The following SF1 variants were observed in gnomAD, a reference collection of about 807,000 sequenced individuals.
The protein encoded by SF1 is branch point-binding protein.
SF1 carries 7 observed loss-of-function variants against 62.5 expected under a neutral mutation model. That is an observed-to-expected ratio of 0.11 (90% CI 0.06 to 0.21). The LOEUF (loss-of-function observed/expected upper bound fraction) is 0.21, where lower values mean the gene tolerates loss of function less well. SF1 is among the 10% of genes least tolerant of loss of function. The pLI, the probability that SF1 is intolerant of heterozygous loss-of-function variation, is 1.00. For missense variants in SF1, 578 were observed against 884.0 expected (o/e 0.65, Z 4.39); for synonymous variants, 394 against 323.6 (o/e 1.22, Z -2.33).
At chr11:64,778,074 G>C (rs1939665066) in intron 1 of SF1, 1 of 985,792 alleles carries the variant, frequency 1.0e-6, no homozygotes, top group African/African-American at 1.8e-5. Context: ...CGCTGGTAGA[G>C]CGGCGGCGGA....
At chr11:64,766,679 G>A in intron 12 of SF1, 1 of 453,836 alleles carries the variant, frequency 2.2e-6, no homozygotes, top group East Asian at 3.4e-5. Flanking sequence ...TCCCCTCCAG[G>A]CCCCCACGAA....
intron 12 of SF1, 41 bp downstream of exon 12, chr11:64,766,859 C>CCCA: frequency 9.9e-6 from 6 of 604,382 alleles, no homozygotes; most frequent in East Asian, 5.9e-5. Flanking sequence ...AGCCCCACCC[C>CCCA]CATCCCACCC....
chr11:64,765,281 A>G lies in SF1; in HGVS notation c.*537T>C. On this transcript the variant is annotated 3_prime_UTR_variant, in exon 13 of 13. Transcript: ENST00000377390. ...CCGGGGAGAGCATCTCCTTGGACGG[A>G]GTCTGAAGAAAGGAAAAGATAAAGA... 3 of 598,902 alleles carry G rather than the reference A, an allele frequency of 5.0e-6. No individual in the cohort carries two copies. Among genetic ancestry groups the G allele is most frequent in the Non-Finnish European group, 9.1e-6 (3 of 330,256 alleles). The allele number at this position is 598,902 out of a possible 1,614,324, so 37.1% of individuals were successfully genotyped here.
intron 3 of SF1, chr11:64,771,835 A>G (rs899752542): frequency 1.0e-6 from 1 of 985,310 alleles, no homozygotes; most frequent in Non-Finnish European, 1.2e-6. Flanking sequence ...ATCTTAATTA[A>G]GAAAACCCAT....
intron 8 of SF1, 36 bp from the exon 9 acceptor site, chr11:64,768,322 G>A (rs755440589): frequency 6.9e-6 from 11 of 1,591,354 alleles, no homozygotes; most frequent in Non-Finnish European, 7.7e-6. Flanking sequence ...AGAGAAAGGG[G>A]AAAAACTTGT....
chr11:64,777,546 C>T, intron 1 of SF1: 1 of 985,498 alleles, frequency 1.0e-6, no homozygotes, highest in Non-Finnish European at 1.2e-6. Context: ...GAGGAGCTAT[C>T]CTTGGTACGG....
At chr11:64,772,323 TAA>T (rs879863787) in intron 3 of SF1, 85 of 796,878 alleles carry the variant, frequency 1.1e-4, no homozygotes, top group East Asian at 1.3e-4. Context: ...AATGTAAATT[TAA>T]AAAAAAAAAA....
At chr11:64,766,338 C>T (rs1043185669) in intron 12 of SF1, 183 bp from the exon 13 acceptor site, 5 of 591,590 alleles carry the variant, frequency 8.5e-6, no homozygotes, top group Admixed American at 3.0e-5. Context: ...ACCCTGGGGT[C>T]AGCCTCGAGG....
At chr11:64,777,902 C>A in intron 1 of SF1, 1 of 948,394 alleles carries the variant, frequency 1.1e-6, no homozygotes, top group East Asian at 1.2e-4. Context: ...CTGCCGCGTG[C>A]AGCCGCCGTC....
At chr11:64,773,587 A>C in intron 2 of SF1, 82 bp from the exon 3 acceptor site, 1 of 1,463,664 alleles carries the variant, frequency 6.8e-7, no homozygotes, top group Non-Finnish European at 9.2e-7. Context: ...TCTCAACAAC[A>C]AGCATGAAGA....
rs532829836 is a variant in SF1 at position 64,778,528 on chromosome 11, C to T, written c.-136G>A. Reference sequence around the variant, plus strand: ...CGTCCTCTCACGCGGCGGGCGGCGGCGGCGCGAGACGCACAAAGAGGGAGG... The same window carrying T: ...CGTCCTCTCACGCGGCGGGCGGCGGTGGCGCGAGACGCACAAAGAGGGAGG... On this transcript the variant is annotated 5_prime_UTR_variant, in exon 1 of 13. Transcript: ENST00000377390. 2 of 1,172,344 alleles carry T rather than the reference C, an allele frequency of 1.7e-6. No individual in the cohort carries two copies. Among genetic ancestry groups the T allele is most frequent in the Non-Finnish European group, 2.1e-6 (2 of 949,824 alleles). 72.6% of individuals were successfully genotyped at this position (1,172,344 alleles called of 1,614,324 possible).
At position 64,773,480 on chromosome 11, in the gene SF1, A is replaced by C; in HGVS notation, c.186T>G (p.Thr62=). Residue 62 remains threonine (T), a synonymous_variant, in exon 3 of 13, where the codon ACT becomes ACG. Coordinates refer to ENST00000377390, the MANE Select transcript of SF1 (RefSeq NM_004630.4). ...YIVQLQIEDL[T]RKLRTGDLGI... is the part of the protein sequence containing the mutation. ...CCAGGTCTCCTGTGCGCAGTTTACG[A>C]GTCAGGTCTTCTATCTGCAGTTGCA... 1 of 1,613,472 alleles carries C rather than the reference A, an allele frequency of 6.2e-7. No individual in the cohort carries two copies. Among genetic ancestry groups the C allele is most frequent in the Non-Finnish European group, 8.5e-7 (1 of 1,179,808 alleles).
intron 1 of SF1, chr11:64,777,748 A>T: frequency 1.0e-6 from 1 of 985,402 alleles, no homozygotes; most frequent in Non-Finnish European, 1.2e-6. Context: ...CAGCCCGGCC[A>T]CCTCACTGCG....
intron 8 of SF1, among the ~76,000 whole-genome samples, chr11:64,768,787 C>CA (rs1249888472): frequency 6.6e-6 from 1 of 152,194 alleles, no homozygotes; most frequent in Non-Finnish European, 1.5e-5. Context: ...TATTGAGCCC[C>CA]AGTAAAAACA....
intron 10 of SF1, 92 bp downstream of exon 10, chr11:64,767,479 C>T (rs1037230064): frequency 7.5e-7 from 1 of 1,335,962 alleles, no homozygotes; most frequent in African/African-American, 1.5e-5. Context: ...CATTGCCCAG[C>T]CACTTGAGAG....
In SF1 at chr11:64,773,459, G is replaced by A. The variant is rs1295408982; in HGVS notation, c.207C>T (p.Asp69=). ...EDLTRKLRTG[D]LGIPPNPEDR... ...CCTCAGGGTTAGGGGGGATGCCCAG[G>A]TCTCCTGTGCGCAGTTTACGAGTCA... The change falls in exon 3 of 13, where the codon GAC becomes GAT. Residue 69 remains aspartate (D), a synonymous_variant. Transcript: ENST00000377390. 6.2e-7 allele frequency: 1 copy of A among 1,613,766 alleles called. No homozygotes were observed. The highest frequency in any genetic ancestry group is 8.5e-7 in the Non-Finnish European group (1 of 1,179,928).
chr11:64,765,481 T>A lies in SF1; in HGVS notation c.*337A>T. On this transcript the variant is annotated 3_prime_UTR_variant, in exon 13 of 13. Coordinates refer to ENST00000377390, the MANE Select transcript of SF1 (RefSeq NM_004630.4). ...ACCAATGGGCGCGGAAAGTCCTCAC[T>A]CTCATGGCTCGGGCCATCGCCGCCG... is the stretch of plus-strand genomic sequence containing the variant. 6.2e-7 allele frequency: 1 copy of A among 1,613,184 alleles called. No individual in the cohort carries two copies. Among genetic ancestry groups the A allele is most frequent in the East Asian group, 2.2e-5 (1 of 44,778 alleles).
intron 1 of SF1, chr11:64,778,104 G>T (rs1422973131): frequency 3.3e-6 from 3 of 896,502 alleles, no homozygotes; most frequent in Non-Finnish European, 2.7e-6. Flanking sequence ...TGCGGCGGCG[G>T]GTACGAGGCG....
intron 9 of SF1, 66 bp from the exon 10 acceptor site, chr11:64,767,910 G>T (rs1819514425): frequency 6.3e-7 from 1 of 1,575,082 alleles, no homozygotes. Context: ...TGTTCTTCGG[G>T]TTATGACACA....
Sources: gnomAD v4.1 joint callset for allele counts (sites outside exome capture counted in the v4.1 genomes callset) on GRCh38, gnomAD v4.1.1 for gene constraint, MANE v1.5 for transcripts, NCBI Gene and HGNC (gene_info 2026-07-23, HGNC 2026-07-21) for gene names.